RBM39: variants seen among roughly 807,000 people sequenced by gnomAD.
RBM39 encodes RNA binding motif protein 39.
A neutral mutation model predicts 79.6 loss-of-function variants in RBM39; 12 were observed. That is an observed-to-expected ratio of 0.15 (90% confidence interval 0.10 to 0.24). The LOEUF (loss-of-function observed/expected upper bound fraction) is 0.24, where lower values mean the gene tolerates loss of function less well. RBM39 is among the 10% of genes least tolerant of loss of function. The probability of loss-of-function intolerance (pLI) is 1.00; values close to 1 mark genes in which losing one functional copy is unlikely to be tolerated. For missense variants in RBM39, 243 were observed against 653.4 expected, an observed-to-expected ratio of 0.37 and a Z score of 6.85; for synonymous variants, 185 against 208.4, an observed-to-expected ratio of 0.89 and a Z score of 0.97.
rs1016331879 is a variant in RBM39 at position 35,703,309 on chromosome 20, T to C, written c.*1172A>G. The C allele has an allele frequency of 1.3e-5, 2 of 152,216 alleles. No homozygotes were observed. Among genetic ancestry groups the C allele is most frequent in the African/African-American group, 4.8e-5 (2 of 41,456 alleles). 9.4% of individuals were successfully genotyped at this position (152,216 alleles called of 1,614,324 possible). A position where few individuals can be genotyped will look rare whatever the true frequency, so the allele number is the denominator to read the frequency against. ...CATTTTGTTAAGTATGTATTGTAAA[T>C]GGTGAAAATTTCTTCATAAATATGC... On this transcript the variant is annotated 3_prime_UTR_variant, in exon 17 of 17. Transcript: ENST00000253363.
At chr20:35,719,015 G>A (rs1569019350) in intron 9 of RBM39, among the ~76,000 whole-genome samples, 1 of 152,022 alleles carries the variant, frequency 6.6e-6, no homozygotes, top group Non-Finnish European at 1.5e-5. Flanking sequence ...TCTTATTAAA[G>A]CTGCTACATT....
At chr20:35,719,966 A>C in intron 9 of RBM39, 1 of 273,246 alleles carries the variant, frequency 3.7e-6, no homozygotes, top group South Asian at 2.8e-5. Flanking sequence ...TATTTTTAGT[A>C]GAGACAAGGT....
In RBM39 at chr20:35,731,996, G is replaced by A. The variant is rs528815171; in HGVS notation, c.241C>T (p.Arg81Trp). ...CGATCTCGACTTCTTGAGCGGCTCC[G>A]TCGCCTCTCTTTGCTTCTACTTCGC... ...RKRSRSKERR[R>W]SRSRSRDRRF... The change falls in exon 4 of 17, where the codon CGG becomes TGG. Residue 81 changes from arginine (R) to tryptophan (W), a missense_variant. Arg to Trp is a moderately radical substitution (Grantham distance 101). Around this residue, in one of 4 missense-constraint regions of RBM39, gnomAD observed 115 missense variants for 184.1 expected, o/e 0.62. Coordinates refer to ENST00000253363, the MANE Select transcript of RBM39 (RefSeq NM_184234.3). 26 of 1,614,094 alleles carry A rather than the reference G, an allele frequency of 1.6e-5. No individual in the cohort carries two copies. Among genetic ancestry groups the A allele is most frequent in the African/African-American group, 2.7e-5 (2 of 75,016 alleles).
intron 9 of RBM39, among the ~76,000 whole-genome samples, chr20:35,717,541 T>C (rs1429254700): frequency 1.3e-5 from 2 of 151,996 alleles, no homozygotes; most frequent in Non-Finnish European, 2.9e-5. Context: ...ATCGTAAAAA[T>C]GGAATGAATT....
chr20:35,722,050 G>C (rs565796087), intron 8 of RBM39, among the ~76,000 whole-genome samples, 173 bp from the exon 9 acceptor site: 1 of 152,222 alleles, frequency 6.6e-6, no homozygotes, highest in African/African-American at 2.4e-5. Flanking sequence ...GCAAAATTCA[G>C]AAAGAGGAGG....
chr20:35,733,686 AT>A (rs1189559262), intron 3 of RBM39, among the ~76,000 whole-genome samples: 1 of 152,222 alleles, frequency 6.6e-6, no homozygotes, highest in Non-Finnish European at 1.5e-5. Context: ...ACCATTTCAA[AT>A]ACTTCCTAAA....
chr20:35,727,391 C>T (rs2038846899), intron 6 of RBM39, among the ~76,000 whole-genome samples: 2 of 143,720 alleles, frequency 1.4e-5, no homozygotes, highest in Admixed American at 6.8e-5. Context: ...TGCTTTCTAG[C>T]CGGGGGTCTC....
chr20:35,740,421 C>A, intron 2 of RBM39: 1 of 588,602 alleles, frequency 1.7e-6, no homozygotes, highest in Non-Finnish European at 2.8e-6. Flanking sequence ...TTTCCCAAAC[C>A]ACTACATTCA....
Position 35,701,540 on chromosome 20 carries a change from T to G in RBM39, c.*2941A>C, listed in dbSNP as rs2035283351. 1 of 152,312 alleles carries G rather than the reference T, an allele frequency of 6.6e-6. No homozygotes were observed. Among genetic ancestry groups the G allele is most frequent in the South Asian group, 2.1e-4 (1 of 4,838 alleles). 9.4% of individuals were successfully genotyped at this position (152,312 alleles called of 1,614,324 possible). A position where few individuals can be genotyped will look rare whatever the true frequency, so the allele number is the denominator to read the frequency against. ...AGGCAAAGGCTGGTGGATCACAAGG[T>G]CAGGAGATGGAGACCATCTTGGGTA... On this transcript the variant is annotated 3_prime_UTR_variant, in exon 17 of 17. Transcript: ENST00000253363.
intron 12 of RBM39, among the ~76,000 whole-genome samples, chr20:35,712,814 G>A (rs977581815): frequency 2.6e-5 from 4 of 152,066 alleles, no homozygotes; most frequent in Admixed American, 2.6e-4. Flanking sequence ...GGGGTGCAGG[G>A]TTTAAAACTG....
intron 6 of RBM39, among the ~76,000 whole-genome samples, chr20:35,727,858 A>C (rs2038926201): frequency 6.6e-6 from 1 of 152,142 alleles, no homozygotes; most frequent in Non-Finnish European, 1.5e-5. Flanking sequence ...CACCATGGCC[A>C]GGCTGGTCTT....
At chr20:35,715,991 TGTTA>T (rs753630343) in intron 10 of RBM39, among the ~76,000 whole-genome samples, 44 of 152,350 alleles carry the variant, frequency 2.9e-4, no homozygotes, top group Admixed American at 7.8e-4. Context: ...TCTGAGCAGC[TGTTA>T]GTGTCATGTT....
rs763208527 is a variant in RBM39 at position 35,734,964 on chromosome 20, C to T, written c.102-2829G>A. 20 of 1,607,502 alleles carry T rather than the reference C, an allele frequency of 1.2e-5. No individual in the cohort carries two copies. The Admixed American group carries it at 3.3e-4, about 26-fold the overall frequency. ...ACTGAACATCACTGAAGTAAATGGT[C>T]CACTGGGCTGGGCCTTTGGACTTTT... On this transcript the variant is annotated intron_variant, in intron 3 of 16. Coordinates refer to ENST00000253363, the MANE Select transcript of RBM39 (RefSeq NM_184234.3).
chr20:35,724,283 G>A (rs1464054979), intron 8 of RBM39, among the ~76,000 whole-genome samples: 1 of 151,486 alleles, frequency 6.6e-6, no homozygotes, highest in South Asian at 2.1e-4. Context: ...AGTGAGCAGC[G>A]ATCATGCCAT....
At chr20:35,738,871 A>G (rs2040250090) in intron 3 of RBM39, 97 bp downstream of exon 3, 1 of 1,074,016 alleles carries the variant, frequency 9.3e-7, no homozygotes, top group Non-Finnish European at 1.4e-6. Context: ...AAGCTTCAGA[A>G]GAGAATTTTG....
In RBM39 at chr20:35,702,639, G is replaced by A. The variant is rs1023926756; in HGVS notation, c.*1842C>T. 2 of 152,266 alleles carry A rather than the reference G, an allele frequency of 1.3e-5. No homozygotes were observed. Among genetic ancestry groups the A allele is most frequent in the African/African-American group, 4.8e-5 (2 of 41,456 alleles). The allele number at this position is 152,266 out of a possible 1,614,324, so 9.4% of individuals were successfully genotyped here. A position where few individuals can be genotyped will look rare whatever the true frequency, so the allele number is the denominator to read the frequency against. ...GAACTCTGCAGTCTGGTATTGAAAA[G>A]TAAATTTTCAATGAGGCTGGGCGCG... On this transcript the variant is annotated 3_prime_UTR_variant, in exon 17 of 17. Coordinates refer to ENST00000253363, the MANE Select transcript of RBM39 (RefSeq NM_184234.3).
intron 3 of RBM39, among the ~76,000 whole-genome samples, chr20:35,738,524 C>A (rs973396500): frequency 6.6e-5 from 10 of 152,184 alleles, no homozygotes; most frequent in African/African-American, 2.2e-4. Flanking sequence ...CTCTGAGCAG[C>A]AAGTTGCAGA....
intron 4 of RBM39, among the ~76,000 whole-genome samples, chr20:35,731,118 G>T (rs2039323930): frequency 1.3e-5 from 2 of 152,144 alleles, no homozygotes. Context: ...GGGTCTGTTT[G>T]TCTTTGAATT....
intron 13 of RBM39, chr20:35,707,927 T>C (rs1271437835): frequency 2.1e-6 from 1 of 466,594 alleles, no homozygotes; most frequent in Admixed American, 2.4e-5. Context: ...CCAGTAGCTG[T>C]TACAGAACTC....
Sources: allele counts gnomAD v4.1 joint callset (sites outside exome capture counted in the v4.1 genomes callset), GRCh38; gene constraint gnomAD v4.1.1; regional missense constraint gnomAD v4.1.1; transcripts MANE v1.5; gene names NCBI Gene and HGNC (gene_info 2026-07-23, HGNC 2026-07-21).